Variants in ACSL1 observed in about 807,000 individuals in gnomAD.
ACSL1 encodes the protein long-chain-fatty-acid--CoA ligase 1.
ACSL1 carries 41 observed loss-of-function variants against 98.4 expected under a neutral mutation model. The observed-to-expected ratio is 0.42, with a 90% CI of 0.32 to 0.54. The LOEUF is 0.54. Among genes scored for constraint, ACSL1 ranks in the 20% least tolerant of loss-of-function variants. The probability of loss-of-function intolerance (pLI) is 0.13; values close to 1 mark genes in which losing one functional copy is unlikely to be tolerated. For missense variants in ACSL1, 734 were observed against 883.1 expected (o/e 0.83, Z 2.14); for synonymous variants, 316 against 322.7 (o/e 0.98, Z 0.22).
At chr4:184,782,251 G>A (rs1212714558) in intron 4 of ACSL1, among the ~76,000 whole-genome samples, 11 of 130,976 alleles carry the variant, frequency 8.4e-5, no homozygotes, top group African/African-American at 1.7e-4. Flanking sequence ...TTTCTAGATC[G>A]GTCATACATT....
At chr4:184,770,734 C>T (rs4861632) in intron 10 of ACSL1, among the ~76,000 whole-genome samples, 35,610 of 152,006 alleles carry the variant, frequency 0.23, 5,417 homozygotes, top group Non-Finnish European at 0.34. Flanking sequence ...AAAAAGACTC[C>T]GAGTAAACTT....
chr4:184,769,857 T>C (rs976087182), intron 11 of ACSL1, among the ~76,000 whole-genome samples: 1 of 152,194 alleles, frequency 6.6e-6, no homozygotes, highest in Non-Finnish European at 1.5e-5. Context: ...GTCACACAGT[T>C]GATTACAGGG....
chr4:184,819,140 CTTTTT>C (rs10538881), intron 1 of ACSL1, among the ~76,000 whole-genome samples: 8 of 129,812 alleles, frequency 6.2e-5, no homozygotes, highest in South Asian at 2.4e-4. Flanking sequence ...TTTAGATGTA[CTTTTT>C]TTTTTTTTTT....
At position 184,785,600 on chromosome 4, in the gene ACSL1, C is replaced by CGGGGG. The variant is rs1174393165; in HGVS notation, c.311-1614_311-1610dup. Among the ~76,000 whole-genome samples, 13 of 19,184 alleles carry CGGGGG rather than the reference C, an allele frequency of 6.8e-4. 1 individual carries two copies. Among genetic ancestry groups the CGGGGG allele is most frequent in the South Asian group, 6.3e-3 (1 of 158 alleles). The allele number at this position is 19,184 out of a possible 152,430, so 12.6% of individuals were successfully genotyped here. A position where few individuals can be genotyped will look rare whatever the true frequency, so the allele number is the denominator to read the frequency against. On this transcript the variant is annotated intron_variant, in intron 3 of 20. Coordinates refer to ENST00000281455, the MANE Select transcript of ACSL1 (RefSeq NM_001995.5). ...CTTAGAATAAAAAGATCCTCCTGGG[C>CGGGGG]GGGGGCGGGGGGGGGGGGGGGAAGG...
intron 1 of ACSL1, among the ~76,000 whole-genome samples, chr4:184,818,099 G>C (rs187942994): frequency 4.3e-4 from 65 of 152,286 alleles, no homozygotes; most frequent in African/African-American, 1.3e-3. Context: ...TGCCTGGCTG[G>C]GCTGCTTGAC....
At chr4:184,759,355 A>G (rs1762557959) in intron 18 of ACSL1, among the ~76,000 whole-genome samples, 1 of 152,256 alleles carries the variant, frequency 6.6e-6, no homozygotes, top group Non-Finnish European at 1.5e-5. Context: ...ATTAAACTAA[A>G]CAGCTTCTGC....
rs533533110 is a variant in ACSL1 at position 184,815,834 on chromosome 4, G to C, written c.-33+10082C>G. ...ACCTGCTGTTACTTTAAAAAGCAGA[G>C]ATGAGGCCAGGTTTACAGGTTCATG... On this transcript the variant is annotated intron_variant, in intron 1 of 20. Coordinates refer to ENST00000281455, the MANE Select transcript of ACSL1 (RefSeq NM_001995.5). 2.0e-5 allele frequency among the ~76,000 whole-genome samples: 3 copies of C among 152,186 alleles called. No individual in the cohort carries two copies. The South Asian group carries it at 6.2e-4, about 32-fold the overall frequency.
Position 184,760,362 on chromosome 4 carries a change from G to A in ACSL1, c.1777C>T (p.Leu593=), listed in dbSNP as rs770231690. 1.2e-6 allele frequency: 2 copies of A among 1,614,044 alleles called. No homozygotes were observed. The highest frequency in any genetic ancestry group is 3.3e-5 in the Admixed American group (2 of 60,008). The change falls in exon 18 of 21, where the codon CTG becomes TTG. Residue 593 remains leucine (L), a synonymous_variant. Coordinates refer to ENST00000281455, the MANE Select transcript of ACSL1 (RefSeq NM_001995.5). ...AAGACCCAGAAAGCACATACCTGCA[G>A]GCTTTCTCCGTGGACAAACACCTGA... is the stretch of plus-strand genomic sequence containing the variant. The part of the protein sequence containing the change: ...VAQVFVHGES[L]QAFLIAIVVP...
chr4:184,822,519 G>A (rs776019841), intron 1 of ACSL1, among the ~76,000 whole-genome samples: 14 of 152,114 alleles, frequency 9.2e-5, no homozygotes, highest in Non-Finnish European at 1.6e-4. Flanking sequence ...AGGGCAAATC[G>A]CTTGAGCCCA....
In ACSL1 at chr4:184,764,834, G is replaced by T; in HGVS notation, c.1432+19C>A. ...GTATGAATAACAAAATTCCAAAAAG[G>T]AGCCTCCTACAGCCATACCTGCGGT... is the stretch of plus-strand genomic sequence containing the variant. On this transcript the variant is annotated intron_variant, in intron 15 of 20. Coordinates refer to ENST00000281455, the MANE Select transcript of ACSL1 (RefSeq NM_001995.5). 6.3e-7 allele frequency: 1 copy of T among 1,599,366 alleles called. No individual in the cohort carries two copies. Among genetic ancestry groups the T allele is most frequent in the Non-Finnish European group, 8.5e-7 (1 of 1,175,150 alleles).
chr4:184,806,833 T>C (rs1379749451), intron 1 of ACSL1, among the ~76,000 whole-genome samples: 2 of 152,252 alleles, frequency 1.3e-5, no homozygotes, highest in Admixed American at 6.5e-5. Flanking sequence ...GTTTAATTCA[T>C]GCCTCTTAAA....
In ACSL1 at chr4:184,755,785, T is replaced by C. The variant is rs901877608; in HGVS notation, c.*1340A>G. ...AGGCTACCAAGTAGTGTTATTACAATGACAATTCTTTAGTGCAAGCCCTGT... is the reference window on the plus strand; with the variant it reads ...AGGCTACCAAGTAGTGTTATTACAACGACAATTCTTTAGTGCAAGCCCTGT... On this transcript the variant is annotated 3_prime_UTR_variant, in exon 21 of 21. Coordinates refer to ENST00000281455, the MANE Select transcript of ACSL1 (RefSeq NM_001995.5). 3 of 152,662 alleles carry C rather than the reference T, an allele frequency of 2.0e-5. No individual in the cohort carries two copies. Among genetic ancestry groups the C allele is most frequent in the African/African-American group, 7.2e-5 (3 of 41,452 alleles). The allele number at this position is 152,662 out of a possible 1,614,324, so 9.5% of individuals were successfully genotyped here.
intron 3 of ACSL1, among the ~76,000 whole-genome samples, chr4:184,785,728 T>G (rs1767175116): frequency 6.6e-6 from 1 of 151,340 alleles, no homozygotes; most frequent in African/African-American, 2.4e-5. Flanking sequence ...AAAAGGACTT[T>G]CATTTTCCAG....
intron 11 of ACSL1, 24 bp from the exon 12 acceptor site, chr4:184,768,474 A>C (rs1359670237): frequency 7.5e-6 from 12 of 1,599,358 alleles, no homozygotes; most frequent in Non-Finnish European, 1.0e-5. Context: ...GGAAAAAACA[A>C]ACATTTTATC....
At chr4:184,818,338 T>G (rs1047384302) in intron 1 of ACSL1, among the ~76,000 whole-genome samples, 2 of 152,128 alleles carry the variant, frequency 1.3e-5, no homozygotes, top group Admixed American at 6.6e-5. Flanking sequence ...TCTCACACCC[T>G]GCAAAGACCA....
intron 4 of ACSL1, among the ~76,000 whole-genome samples, chr4:184,783,122 C>T (rs963554739): frequency 3.9e-5 from 6 of 152,160 alleles, no homozygotes; most frequent in Non-Finnish European, 7.4e-5. Flanking sequence ...GTGCCTGTTC[C>T]GGGGTGCCGT....
chr4:184,811,270 G>C (rs564447098), intron 1 of ACSL1, among the ~76,000 whole-genome samples: 7 of 150,844 alleles, frequency 4.6e-5, no homozygotes, highest in Admixed American at 3.9e-4. Flanking sequence ...CACCACGCCT[G>C]GCTAATTTTT....
chr4:184,773,593 C>A lies in ACSL1; in HGVS notation c.841+70G>T. 1.4e-6 allele frequency: 2 copies of A among 1,447,234 alleles called. No homozygotes were observed. Among genetic ancestry groups the A allele is most frequent in the East Asian group, 4.6e-5 (2 of 43,330 alleles). The allele number at this position is 1,447,234 out of a possible 1,614,324, so 89.6% of individuals were successfully genotyped here. On this transcript the variant is annotated intron_variant, in intron 9 of 20. Transcript: ENST00000281455. This position sits in a 1 kb window ranked among gnomAD's most constrained non-coding sequence, Gnocchi z 4.3. Reference sequence around the variant, plus strand: ...CGTCTACTGTTAGCTGATAAGTCATCCAAAAGAGGTAGGGGAGAGTCCAGA... The same window carrying A: ...CGTCTACTGTTAGCTGATAAGTCATACAAAAGAGGTAGGGGAGAGTCCAGA...
intron 4 of ACSL1, among the ~76,000 whole-genome samples, chr4:184,782,716 GC>G (rs551868783): frequency 8.1e-4 from 124 of 152,344 alleles, no homozygotes; most frequent in African/African-American, 2.8e-3. Context: ...GTGAGATACT[GC>G]CCCTAGCTCC....
Sources: allele counts gnomAD v4.1 joint callset (sites outside exome capture counted in the v4.1 genomes callset), GRCh38; gene constraint gnomAD v4.1.1; non-coding constraint Gnocchi (gnomAD v3.1); transcripts MANE v1.5; gene names NCBI Gene and HGNC (gene_info 2026-07-23, HGNC 2026-07-21).